Variants in ABCA3 observed in about 807,000 individuals in gnomAD.
ABCA3 encodes the protein ATP binding cassette subfamily A member 3.
ABCA3 carries 88 observed loss-of-function variants against 172.8 expected under a neutral mutation model. That is an observed-to-expected ratio of 0.51 (90% CI 0.43 to 0.61). The LOEUF (loss-of-function observed/expected upper bound fraction) is 0.61. Among genes scored for constraint, ABCA3 ranks in the 20% least tolerant of loss-of-function variants. The pLI is 0.00. For synonymous variants in ABCA3, 1,066 were observed against 983.8 expected (o/e 1.08, Z -1.56); for missense variants, 2,164 against 2,301.0 (o/e 0.94, Z 1.22).
In ABCA3 at chr16:2,281,484, A is replaced by G. The variant is rs1381604711; in HGVS notation, c.4061T>C (p.Val1354Ala). The change falls in exon 27 of 33, where the codon GTG becomes GCG. Residue 1354 changes from valine (V) to alanine (A), a missense_variant. By Grantham distance (64) the Val-to-Ala change is moderately conservative. Around this residue, in one of 3 missense-constraint regions of ABCA3, gnomAD observed 795 missense variants for 881.9 expected, o/e 0.90. Transcript: ENST00000301732. This position sits in a 1 kb window ranked among gnomAD's most constrained non-coding sequence, Gnocchi z 4.7. The stretch of plus-strand genomic sequence containing the variant: ...CGCTACATCTTGGTCCTCAGGAAGC[A>G]CAGGCATCCGGGTGTATAATTCTGT... The part of the protein sequence containing the change: ...TLTELYTRMP[V>A]LPEDQDVADE... 1.2e-6 allele frequency: 2 copies of G among 1,613,156 alleles called. No homozygotes were observed. Among genetic ancestry groups the G allele is most frequent in the East Asian group, 4.5e-5 (2 of 44,842 alleles).
chr16:2,286,784 T>G lies in ABCA3; in HGVS notation c.3188A>C (p.Lys1063Thr). The G allele has an allele frequency of 6.2e-7, 1 of 1,614,124 alleles. No homozygotes were observed. The highest frequency in any genetic ancestry group is 8.5e-7 in the Non-Finnish European group (1 of 1,180,014). The change falls in exon 22 of 33, where the codon AAG becomes ACG. Residue 1063 changes from lysine (K) to threonine (T), a missense_variant. Lys to Thr is a moderately conservative substitution (Grantham distance 78). This residue lies in a region of ABCA3 where 795 missense variants were observed against 881.9 expected (regional missense o/e 0.90). Transcript: ENST00000301732. The surrounding 1 kb of genome is among the most constrained non-coding windows in gnomAD (Gnocchi z 5.2). Reference protein sequence around the residue: ...ALAVVDNLLFKLLCGPHASIV... With the variant: ...ALAVVDNLLFTLLCGPHASIV... ...GGAGGCGTGAGGCCCGCACAGCAGC[T>G]TGAACAGAAGGTTGTCCACGACGGC...
At chr16:2,304,771 G>GT (rs1441784293) in intron 11 of ABCA3, among the ~76,000 whole-genome samples, 2 of 151,620 alleles carry the variant, frequency 1.3e-5, no homozygotes, top group African/African-American at 4.8e-5. Flanking sequence ...CACCTCCCGG[G>GT]TTCACGCCAT....
Position 2,284,562 on chromosome 16 carries a change from G to C in ABCA3, c.3704-125C>G. 1 of 1,418,756 alleles carries C rather than the reference G, an allele frequency of 7.0e-7. No individual in the cohort carries two copies. Among genetic ancestry groups the C allele is most frequent in the African/African-American group, 1.4e-5 (1 of 71,028 alleles). 87.9% of individuals were successfully genotyped at this position (1,418,756 alleles called of 1,614,324 possible). A position where few individuals can be genotyped will look rare whatever the true frequency, so the allele number is the denominator to read the frequency against. ...TGTGGAGTGAGGGGGCACCTCCCAG[G>C]GACGCCCCTGCCGGCTCTGCACAGG... On this transcript the variant is annotated intron_variant, in intron 24 of 32. Coordinates refer to ENST00000301732, the MANE Select transcript of ABCA3 (RefSeq NM_001089.3). The surrounding 1 kb of genome is among the most constrained non-coding windows in gnomAD (Gnocchi z 5.9).
chr16:2,338,544 GGTGATT>G (rs1316331551), intron 1 of ABCA3, among the ~76,000 whole-genome samples: 1 of 151,982 alleles, frequency 6.6e-6, no homozygotes. Context: ...TGGCTTCCCA[GGTGATT>G]GTAACGGGAA....
At position 2,278,972 on chromosome 16, in the gene ABCA3, T is replaced by C. The variant is rs2141688714; in HGVS notation, c.4518A>G (p.Pro1506=). Residue 1506 remains proline, a synonymous_variant, in exon 29 of 33, where the codon CCA becomes CCG. Coordinates refer to ENST00000301732, the MANE Select transcript of ABCA3 (RefSeq NM_001089.3). This position sits in a 1 kb window ranked among gnomAD's most constrained non-coding sequence, Gnocchi z 4.4. ...ENTLRGLLLE[P]HANKLVRTYS... ...ACGTCCTGACCAGCTTGTTGGCATGTGGCTCCAGCAGCAGGCCCCGCAGAG... is the reference window on the plus strand; with the variant it reads ...ACGTCCTGACCAGCTTGTTGGCATGCGGCTCCAGCAGCAGGCCCCGCAGAG... 1.2e-6 allele frequency: 2 copies of C among 1,613,632 alleles called. No individual in the cohort carries two copies. The highest frequency in any genetic ancestry group is 1.7e-6 in the Non-Finnish European group (2 of 1,180,044).
intron 8 of ABCA3, 85 bp downstream of exon 8, chr16:2,319,496 A>C (rs1449972846): frequency 6.5e-7 from 1 of 1,533,784 alleles, no homozygotes; most frequent in Non-Finnish European, 8.7e-7. Flanking sequence ...AAAAAAAAAA[A>C]ATACTAAAAC....
chr16:2,327,113 A>G (rs1009079417), intron 3 of ABCA3, among the ~76,000 whole-genome samples: 2 of 152,088 alleles, frequency 1.3e-5, no homozygotes, highest in Non-Finnish European at 2.9e-5. Context: ...GTAGTTTTTA[A>G]AATTTTTTTT....
chr16:2,307,326 G>A (rs750492914), intron 11 of ABCA3, among the ~76,000 whole-genome samples: 1 of 151,960 alleles, frequency 6.6e-6, no homozygotes, highest in African/African-American at 2.4e-5. Context: ...GAGGCCGAGG[G>A]CAGATCACTT....
intron 7 of ABCA3, among the ~76,000 whole-genome samples, chr16:2,321,779 G>A (rs916320759): frequency 2.6e-5 from 4 of 152,094 alleles, no homozygotes; most frequent in African/African-American, 4.8e-5. Context: ...CACTGATTCC[G>A]TCAAACCATG....
intron 1 of ABCA3, among the ~76,000 whole-genome samples, chr16:2,336,840 T>C (rs2093752597): frequency 1.3e-5 from 2 of 152,064 alleles, no homozygotes; most frequent in African/African-American, 4.8e-5. Flanking sequence ...TTAAAAAGCA[T>C]GTTTATACAA....
intron 28 of ABCA3, among the ~76,000 whole-genome samples, chr16:2,280,323 G>A (rs1182065283): frequency 2.0e-5 from 3 of 152,216 alleles, no homozygotes; most frequent in African/African-American, 7.2e-5. Context: ...TCCCCCCATG[G>A]GGCCTGTGTC....
chr16:2,332,881 A>T, intron 1 of ABCA3: 1 of 535,940 alleles, frequency 1.9e-6, no homozygotes, highest in South Asian at 2.3e-5. Flanking sequence ...AGCAGGGCTC[A>T]TCGCAGCCTG....
intron 1 of ABCA3, among the ~76,000 whole-genome samples, chr16:2,331,521 A>G (rs1470562265): frequency 1.3e-5 from 2 of 152,172 alleles, no homozygotes; most frequent in African/African-American, 2.4e-5. Context: ...CTGTGCCCCC[A>G]CGGCACCCAG....
chr16:2,293,218 A>AT (rs1482040110), intron 18 of ABCA3, among the ~76,000 whole-genome samples: 3 of 150,784 alleles, frequency 2.0e-5, no homozygotes, highest in South Asian at 2.1e-4. Flanking sequence ...CACCCAGCTA[A>AT]TTTTTTGTAT....
Position 2,279,116 on chromosome 16 carries a change from G to T in ABCA3, c.4374C>A (p.Ile1458=), listed in dbSNP as rs776186978. The change falls in exon 29 of 33, where the codon ATC becomes ATA. Residue 1458 remains isoleucine, a synonymous_variant. Transcript: ENST00000301732. The surrounding 1 kb of genome is among the most constrained non-coding windows in gnomAD (Gnocchi z 4.4). The part of the protein sequence containing the change: ...SSDVGKVRQR[I]GYCPQFDALL... ...AGGCATCAAACTGCGGGCAGTAGCCGATCCGCTGCCGCACCTGGGGTCGGA... is the reference window on the plus strand; with the variant it reads ...AGGCATCAAACTGCGGGCAGTAGCCTATCCGCTGCCGCACCTGGGGTCGGA... 3 of 1,611,516 alleles carry T rather than the reference G, an allele frequency of 1.9e-6. No homozygotes were observed. The African/African-American group carries it at 4.0e-5, about 22-fold the overall frequency.
intron 1 of ABCA3, among the ~76,000 whole-genome samples, chr16:2,334,462 T>G (rs529327839): frequency 6.6e-6 from 1 of 152,238 alleles, no homozygotes; most frequent in African/African-American, 2.4e-5. Flanking sequence ...CAGTAAATAT[T>G]TGAAAATGTC....
At chr16:2,306,390 C>T (rs2093697628) in intron 11 of ABCA3, among the ~76,000 whole-genome samples, 1 of 152,134 alleles carries the variant, frequency 6.6e-6, no homozygotes, top group Non-Finnish European at 1.5e-5. Flanking sequence ...CACGAGTAAA[C>T]ATGGAAACAC....
chr16:2,318,640 G>C (rs1273083815), intron 8 of ABCA3, among the ~76,000 whole-genome samples: 1 of 151,770 alleles, frequency 6.6e-6, no homozygotes, highest in East Asian at 1.9e-4. Context: ...AGCCTCCCAA[G>C]CAGCTGGGAT....
At position 2,278,333 on chromosome 16, in the gene ABCA3, G is replaced by C. The variant is rs1286690636; in HGVS notation, c.4673C>G (p.Ala1558Gly). ...GGCCTTGCCAGACTCTCGGGCTCGT[G>C]CCACGGTGTCCCAAAGCAGGCGCCG... The part of the protein sequence containing the change: ...VARRLLWDTV[A>G]RARESGKAII... Residue 1558 changes from alanine to glycine, a missense_variant, in exon 30 of 33, where the codon GCA becomes GGA. This residue lies in a region of ABCA3 where 795 missense variants were observed against 881.9 expected (regional missense o/e 0.90). Coordinates refer to ENST00000301732, the MANE Select transcript of ABCA3 (RefSeq NM_001089.3). This position sits in a 1 kb window ranked among gnomAD's most constrained non-coding sequence, Gnocchi z 4.4. The C allele has an allele frequency of 1.9e-6, 3 of 1,611,044 alleles. No individual in the cohort carries two copies. Among genetic ancestry groups the C allele is most frequent in the Non-Finnish European group, 2.5e-6 (3 of 1,179,992 alleles).
Sources: allele counts gnomAD v4.1 joint callset (sites outside exome capture counted in the v4.1 genomes callset), GRCh38; gene constraint gnomAD v4.1.1; regional missense constraint gnomAD v4.1.1; non-coding constraint Gnocchi (gnomAD v3.1); transcripts MANE v1.5; gene names NCBI Gene and HGNC (gene_info 2026-07-23, HGNC 2026-07-21).